HTR1E: variants seen among roughly 807,000 people sequenced by gnomAD.
The protein encoded by HTR1E is 5-HT-1E.
Under a neutral mutation model 3.4 loss-of-function variants are expected in HTR1E, and 3 were observed. The observed-to-expected ratio is 0.89, with a 90% CI of 0.41 to 2.31. HTR1E has a LOEUF of 2.31. Ranked by LOEUF, HTR1E falls within the 30% of genes most tolerant of loss-of-function variation. HTR1E has a pLI of 0.05. For synonymous variants in HTR1E, 170 were observed against 182.8 expected (o/e 0.93, Z 0.56); for missense variants, 392 against 467.0 (o/e 0.84, Z 1.48).
chr6:86,943,516 T>C (rs570574294), intron 1 of HTR1E, among the ~76,000 whole-genome samples: 2 of 152,186 alleles, frequency 1.3e-5, no homozygotes, highest in Non-Finnish European at 2.9e-5. Context: ...ACATGCCCTG[T>C]CTACCTCAGC....
intron 1 of HTR1E, among the ~76,000 whole-genome samples, chr6:87,003,262 G>A (rs1768051219): frequency 6.6e-6 from 1 of 152,186 alleles, no homozygotes; most frequent in East Asian, 1.9e-4. Flanking sequence ...TTGAGGCCAG[G>A]CACAGTGGCT....
intron 1 of HTR1E, among the ~76,000 whole-genome samples, chr6:87,010,427 C>A (rs1312966636): frequency 6.6e-6 from 1 of 151,156 alleles, no homozygotes; most frequent in African/African-American, 2.4e-5. Flanking sequence ...CCTCACTTCC[C>A]AGTAGGGGCG....
At chr6:86,945,705 A>G (rs1768606630) in intron 1 of HTR1E, among the ~76,000 whole-genome samples, 1 of 152,088 alleles carries the variant, frequency 6.6e-6, no homozygotes, top group Non-Finnish European at 1.5e-5. Flanking sequence ...TTAATTTAAA[A>G]GTTTGGGGGT....
At chr6:86,980,509 C>T (rs192212131) in intron 1 of HTR1E, among the ~76,000 whole-genome samples, 194 of 152,216 alleles carry the variant, frequency 1.3e-3, no homozygotes, top group African/African-American at 4.5e-3. Flanking sequence ...AGGAGGGACT[C>T]TCAATAAGAA....
At chr6:86,968,702 A>C (rs1767508193) in intron 1 of HTR1E, among the ~76,000 whole-genome samples, 1 of 152,106 alleles carries the variant, frequency 6.6e-6, no homozygotes, top group Non-Finnish European at 1.5e-5. Flanking sequence ...ATATTGATGA[A>C]ATTAGTCCTT....
At chr6:86,978,888 G>T (rs2127824893) in intron 1 of HTR1E, among the ~76,000 whole-genome samples, 1 of 152,260 alleles carries the variant, frequency 6.6e-6, no homozygotes, top group South Asian at 2.1e-4. Flanking sequence ...GAGAGAATTG[G>T]TAATGCCAGC....
intron 1 of HTR1E, among the ~76,000 whole-genome samples, chr6:87,006,376 T>C (rs771881142): frequency 6.6e-6 from 1 of 152,158 alleles, no homozygotes; most frequent in Non-Finnish European, 1.5e-5. Flanking sequence ...AGCAAAGAGA[T>C]ACCATCTCAC....
intron 1 of HTR1E, among the ~76,000 whole-genome samples, chr6:86,962,252 G>A (rs1459178788): frequency 6.6e-6 from 1 of 152,170 alleles, no homozygotes; most frequent in African/African-American, 2.4e-5. Flanking sequence ...CATTTTCCTG[G>A]AGTTGCTTGG....
chr6:86,943,394 T>TG (rs568308185), intron 1 of HTR1E, among the ~76,000 whole-genome samples: 45 of 152,296 alleles, frequency 3.0e-4, no homozygotes, highest in Non-Finnish European at 5.7e-4. Context: ...AGCGTGGCAG[T>TG]GAAGCACAGG....
chr6:86,946,783 G>T (rs1768622009), intron 1 of HTR1E, among the ~76,000 whole-genome samples: 1 of 152,142 alleles, frequency 6.6e-6, no homozygotes, highest in Non-Finnish European at 1.5e-5. Flanking sequence ...GCCCTGAAAA[G>T]TGGCTTGCAA....
At chr6:86,954,677 A>C (rs144135844) in intron 1 of HTR1E, among the ~76,000 whole-genome samples, 1 of 152,272 alleles carries the variant, frequency 6.6e-6, no homozygotes, top group African/African-American at 2.4e-5. Flanking sequence ...TGCCCTGAAA[A>C]ATTCAACTCT....
chr6:86,942,517 C>T (rs1260612338), intron 1 of HTR1E, among the ~76,000 whole-genome samples: 2 of 152,124 alleles, frequency 1.3e-5, no homozygotes, highest in African/African-American at 2.4e-5. Flanking sequence ...AGCATGATTT[C>T]CTCTTTTATT....
At chr6:86,993,206 G>A (rs1767893873) in intron 1 of HTR1E, among the ~76,000 whole-genome samples, 1 of 151,680 alleles carries the variant, frequency 6.6e-6, no homozygotes. Flanking sequence ...CAGTATATAA[G>A]AACTCTCTGT....
chr6:86,944,546 G>A (rs1262058389), intron 1 of HTR1E, among the ~76,000 whole-genome samples: 1 of 152,166 alleles, frequency 6.6e-6, no homozygotes, highest in East Asian at 1.9e-4. Flanking sequence ...TTTATAGATA[G>A]TGATATAAGA....
At chr6:86,977,891 C>T (rs1027379520) in intron 1 of HTR1E, among the ~76,000 whole-genome samples, 1 of 152,038 alleles carries the variant, frequency 6.6e-6, no homozygotes, top group South Asian at 2.1e-4. Context: ...ATCCTTTGCC[C>T]ATTTTTTAAT....
intron 1 of HTR1E, among the ~76,000 whole-genome samples, chr6:87,001,552 C>T (rs1220569855): frequency 1.3e-5 from 2 of 152,122 alleles, no homozygotes; most frequent in East Asian, 3.9e-4. Flanking sequence ...GAGATGAGAG[C>T]TCAGTCTCAA....
intron 1 of HTR1E, among the ~76,000 whole-genome samples, chr6:86,996,298 A>G (rs1284257956): frequency 2.0e-5 from 3 of 152,180 alleles, no homozygotes; most frequent in African/African-American, 7.2e-5. Flanking sequence ...AATCAACAAC[A>G]GAAGTATAAC....
intron 1 of HTR1E, among the ~76,000 whole-genome samples, chr6:86,958,869 G>A (rs926768568): frequency 6.6e-6 from 1 of 151,852 alleles, no homozygotes; most frequent in Non-Finnish European, 1.5e-5. Flanking sequence ...CCAGATATTG[G>A]CCCAGCTCCC....
chr6:87,007,724 CAA>C, intron 1 of HTR1E, among the ~76,000 whole-genome samples: 1 of 152,240 alleles, frequency 6.6e-6, no homozygotes, highest in African/African-American at 2.4e-5. Flanking sequence ...CACTTGAGCT[CAA>C]GAGTTCAAAA....
Sources: allele counts gnomAD v4.1 joint callset (sites outside exome capture counted in the v4.1 genomes callset), GRCh38; gene constraint gnomAD v4.1.1; transcripts MANE v1.5; gene names NCBI Gene and HGNC (gene_info 2026-07-23, HGNC 2026-07-21).